Variants in ABTB3 observed in about 807,000 individuals in gnomAD.
ABTB3 encodes ankyrin repeat and BTB domain containing 3.
At chr12:107,405,557 G>T in the ABTB3 span, among the ~76,000 whole-genome samples, 1 of 152,268 alleles carries the variant, frequency 6.6e-6, no homozygotes, top group Non-Finnish European at 1.5e-5. Context: ...GCTGTCCGGG[G>T]TTGTCCTGTC....
At chr12:107,463,459 T>C in the ABTB3 span, among the ~76,000 whole-genome samples, 1 of 152,144 alleles carries the variant, frequency 6.6e-6, no homozygotes, top group African/African-American at 2.4e-5. Context: ...CATTATCTCA[T>C]TTCACCCTTA....
chr12:107,482,916 CTTTCTT>C, the ABTB3 span, among the ~76,000 whole-genome samples: 1 of 43,866 alleles, frequency 2.3e-5, no homozygotes, highest in South Asian at 6.9e-4. Context: ...CTTTCTTCTT[CTTTCTT>C]TCTTTCTTTC....
the ABTB3 span, among the ~76,000 whole-genome samples, chr12:107,600,797 G>A: frequency 6.6e-6 from 1 of 152,224 alleles, no homozygotes; most frequent in Non-Finnish European, 1.5e-5. Flanking sequence ...CACATGCACA[G>A]AGAAGTGAGA....
the ABTB3 span, among the ~76,000 whole-genome samples, chr12:107,516,371 C>T: frequency 6.6e-6 from 1 of 151,994 alleles, no homozygotes; most frequent in Non-Finnish European, 1.5e-5. Context: ...GCTGGGATTA[C>T]AGGCACCCAC....
the ABTB3 span, among the ~76,000 whole-genome samples, chr12:107,651,512 C>T: frequency 4.6e-5 from 7 of 151,758 alleles, no homozygotes; most frequent in South Asian, 8.4e-4. Flanking sequence ...CTATCTTTGT[C>T]CTTTTCCTCT....
the ABTB3 span, among the ~76,000 whole-genome samples, chr12:107,389,009 A>G: frequency 5.3e-5 from 8 of 152,184 alleles, no homozygotes; most frequent in East Asian, 1.2e-3. Context: ...GTGAACCAAC[A>G]TTAAAACTCA....
chr12:107,571,001 T>C, the ABTB3 span, among the ~76,000 whole-genome samples: 4 of 152,246 alleles, frequency 2.6e-5, no homozygotes, highest in African/African-American at 9.6e-5. Flanking sequence ...TATAACTGTG[T>C]GTCCTTAGGT....
the ABTB3 span, among the ~76,000 whole-genome samples, chr12:107,406,835 C>A: frequency 8.5e-5 from 13 of 152,172 alleles, no homozygotes; most frequent in African/African-American, 2.7e-4. Flanking sequence ...TTCTTACCAT[C>A]CTTATCCCTG....
the ABTB3 span, among the ~76,000 whole-genome samples, chr12:107,444,634 G>A: frequency 6.6e-6 from 1 of 152,182 alleles, no homozygotes; most frequent in African/African-American, 2.4e-5. Flanking sequence ...TAAGGGAGGT[G>A]GAGTCCCAAA....
At chr12:107,468,236 T>C in the ABTB3 span, among the ~76,000 whole-genome samples, 1 of 152,182 alleles carries the variant, frequency 6.6e-6, no homozygotes, top group Non-Finnish European at 1.5e-5. Context: ...AAGCACTCCC[T>C]GGCAAGAGTG....
chr12:107,331,667 C>T, the ABTB3 span, among the ~76,000 whole-genome samples: 2 of 152,292 alleles, frequency 1.3e-5, no homozygotes, highest in South Asian at 4.1e-4. Context: ...TCCTCCTTCC[C>T]ACCCGGAAGT....
the ABTB3 span, among the ~76,000 whole-genome samples, chr12:107,590,227 T>C: frequency 6.6e-6 from 1 of 152,312 alleles, no homozygotes; most frequent in African/African-American, 2.4e-5. Context: ...TTTACTAATT[T>C]AGATGCAAAA....
the ABTB3 span, among the ~76,000 whole-genome samples, chr12:107,600,367 C>G: frequency 6.6e-6 from 1 of 152,186 alleles, no homozygotes; most frequent in African/African-American, 2.4e-5. Flanking sequence ...AAATACTTAA[C>G]AAATGAAAAG....
chr12:107,529,366 TG>T, the ABTB3 span, among the ~76,000 whole-genome samples: 1 of 150,700 alleles, frequency 6.6e-6, no homozygotes, highest in East Asian at 2.0e-4. Context: ...ATGATGGTGA[TG>T]GTGATGATGT....
the ABTB3 span, among the ~76,000 whole-genome samples, chr12:107,343,860 G>T: frequency 1.3e-5 from 2 of 152,146 alleles, no homozygotes; most frequent in African/African-American, 2.4e-5. Context: ...GATTTTGTGA[G>T]AATTCACTCA....
chr12:107,441,140 G>C, the ABTB3 span, among the ~76,000 whole-genome samples: 2 of 152,140 alleles, frequency 1.3e-5, no homozygotes, highest in Non-Finnish European at 2.9e-5. Context: ...TTACCTGGGG[G>C]TCACGTGGCC....
At chr12:107,599,033 C>A in the ABTB3 span, among the ~76,000 whole-genome samples, 1 of 152,188 alleles carries the variant, frequency 6.6e-6, no homozygotes, top group African/African-American at 2.4e-5. Flanking sequence ...AGAGTTGATG[C>A]ACAAGTTGAA....
At chr12:107,641,394 G>T in the ABTB3 span, among the ~76,000 whole-genome samples, 1 of 152,094 alleles carries the variant, frequency 6.6e-6, no homozygotes, top group Non-Finnish European at 1.5e-5. Flanking sequence ...GGAACTCTCT[G>T]TATTATCTTT....
the ABTB3 span, among the ~76,000 whole-genome samples, chr12:107,521,662 T>C: frequency 6.6e-6 from 1 of 151,150 alleles, no homozygotes; most frequent in Non-Finnish European, 1.5e-5. Context: ...AGCCCCAGAA[T>C]TACTTCCATG....
Sources: gnomAD v4.1 joint callset for allele counts (sites outside exome capture counted in the v4.1 genomes callset) on GRCh38, gnomAD v4.1.1 for gene constraint, MANE v1.5 for transcripts, NCBI Gene and HGNC (gene_info 2026-07-23, HGNC 2026-07-21) for gene names.